The following ZNF185 variants were observed in gnomAD, a reference collection of about 807,000 sequenced individuals.
The protein encoded by ZNF185 is zinc finger protein 185.
ZNF185 carries 56 observed loss-of-function variants against 58.6 expected under a neutral mutation model. The observed-to-expected ratio is 0.95, with a 90% confidence interval of 0.77 to 1.19. ZNF185 has a LOEUF of 1.19. Ranked by LOEUF, ZNF185 falls within the 50% of genes most tolerant of loss-of-function variation. The pLI is 0.00. For missense variants in ZNF185, 627 were observed against 573.5 expected (o/e 1.09, Z -0.95); for synonymous variants, 230 against 215.9 (o/e 1.07, Z -0.57).
At chrX:152,954,578 C>G (rs1390683422) in intron 16 of ZNF185, among the ~76,000 whole-genome samples, 1 of 112,101 alleles carries the variant, frequency 8.9e-6, no homozygotes, top group Non-Finnish European at 1.9e-5. Flanking sequence ...CCTTCCAAAA[C>G]TCAGCATGTC....
At chrX:152,914,920 C>T (rs1938093104) in intron 2 of ZNF185, 87 bp downstream of exon 3, 1 of 1,091,475 alleles carries the variant, frequency 9.2e-7, no homozygotes, top group African/African-American at 1.8e-5. Context: ...TGCGAAGGGG[C>T]TTCCACCATT....
At chrX:152,957,598 A>G (rs1299128168) in intron 16 of ZNF185, among the ~76,000 whole-genome samples, 1 of 112,226 alleles carries the variant, frequency 8.9e-6, no homozygotes, top group Non-Finnish European at 1.9e-5. Context: ...CATGGTTACA[A>G]GGTCAAGCTC....
chrX:152,925,087 G>A (rs1017284914), intron 11 of ZNF185, among the ~76,000 whole-genome samples: 5 of 112,502 alleles, frequency 4.4e-5, no homozygotes, highest in Non-Finnish European at 7.5e-5. Flanking sequence ...GAAGCCAGGA[G>A]TTTGAGACCA....
the ZNF185 span, among the ~76,000 whole-genome samples, chrX:152,905,810 G>C: frequency 1.8e-5 from 2 of 110,262 alleles, no homozygotes; most frequent in African/African-American, 3.3e-5. Flanking sequence ...GACCAGAATG[G>C]AGGGGTGGAG....
chrX:152,901,520 T>C, the ZNF185 span, among the ~76,000 whole-genome samples: 1 of 111,279 alleles, frequency 9.0e-6, no homozygotes, highest in Non-Finnish European at 1.9e-5. Flanking sequence ...TGAAGCCTTA[T>C]CTGAATTCCC....
At chrX:152,947,549 A>C (rs1288308285) in intron 16 of ZNF185, among the ~76,000 whole-genome samples, 1 of 112,006 alleles carries the variant, frequency 8.9e-6, no homozygotes, top group Non-Finnish European at 1.9e-5. Flanking sequence ...TGAGAAGGTC[A>C]CTGGGCCATG....
chrX:152,944,276 G>A (rs1556892538), intron 15 of ZNF185, among the ~76,000 whole-genome samples: 1 of 112,469 alleles, frequency 8.9e-6, no homozygotes, highest in Non-Finnish European at 1.9e-5. Context: ...CCTAGACAAA[G>A]TTAACTCCTA....
chrX:152,916,638 G>C lies in ZNF185; in HGVS notation c.225-493G>C, dbSNP rs910326480. ...GGACAGCTGGCTTCGGCTGGCTGCTGCCTGGGCTCTCCCCTTCAAGCCCTC... is the reference window on the plus strand; with the variant it reads ...GGACAGCTGGCTTCGGCTGGCTGCTCCCTGGGCTCTCCCCTTCAAGCCCTC... On this transcript the variant is annotated intron_variant, in intron 3 of 22. Transcript: ENST00000449285. Among the ~76,000 whole-genome samples, 5 of 112,421 alleles carry C rather than the reference G, an allele frequency of 4.4e-5. No homozygotes were observed. In the South Asian group the frequency reaches 1.5e-3, roughly 34 times the overall value.
intron 14 of ZNF185, among the ~76,000 whole-genome samples, chrX:152,934,778 A>G (rs1364078058): frequency 8.9e-6 from 1 of 111,761 alleles, no homozygotes; most frequent in African/African-American, 3.3e-5. Flanking sequence ...AGATGCAGCC[A>G]TCCTATTTTA....
chrX:152,963,464 C>T lies in ZNF185; in HGVS notation c.1608-375C>T, dbSNP rs147075488. Among the ~76,000 whole-genome samples, 39 of 112,226 alleles carry T rather than the reference C, an allele frequency of 3.5e-4. No individual in the cohort carries two copies. The East Asian group carries it at 9.3e-3, about 27-fold the overall frequency. The stretch of plus-strand genomic sequence containing the variant: ...GAAGGAGCTGATCCTAGTAAGGGAC[C>T]GTCCCATCCAGTGAGGAGGTGAGCT... On this transcript the variant is annotated intron_variant, in intron 17 of 22. Coordinates refer to ENST00000449285, the Ensembl canonical transcript of ZNF185.
At chrX:152,970,914 T>C (rs1288554414) in intron 22 of ZNF185, among the ~76,000 whole-genome samples, 1 of 111,115 alleles carries the variant, frequency 9.0e-6, no homozygotes, top group Non-Finnish European at 1.9e-5. Flanking sequence ...TCACCCCAGG[T>C]CTTTGGATTC....
intron 15 of ZNF185, among the ~76,000 whole-genome samples, chrX:152,938,443 C>T (rs1320350597): frequency 8.9e-6 from 1 of 112,385 alleles, no homozygotes; most frequent in Non-Finnish European, 1.9e-5. Flanking sequence ...GAGGCTGGAG[C>T]ATGCAGACAA....
rs782223551 is a variant in ZNF185 at position 152,970,449 on chromosome X, A to T, written c.1981A>T (p.Ile661Phe). 7 of 1,208,591 alleles carry T rather than the reference A, an allele frequency of 5.8e-6. No individual in the cohort carries two copies. Among genetic ancestry groups the T allele is most frequent in the Non-Finnish European group, 7.8e-6 (7 of 894,313 alleles). ...AGCTTGCTTTTCTTTTCAGTGTGGG[A>T]TTTGCAGTAAACCGATGGGCGATCT... Residue 661 changes from isoleucine to phenylalanine, a missense_variant, in exon 22 of 23, where the codon ATT becomes TTT. Transcript: ENST00000449285.
intron 17 of ZNF185, among the ~76,000 whole-genome samples, chrX:152,963,082 G>A (rs188360063): frequency 1.5e-3 from 170 of 113,241 alleles, no homozygotes; most frequent in African/African-American, 5.1e-3. Flanking sequence ...GCAGACTTAA[G>A]TTGGAAGGTG....
intron 11 of ZNF185, among the ~76,000 whole-genome samples, chrX:152,923,767 G>T (rs1217972299): frequency 2.7e-5 from 3 of 111,819 alleles, no homozygotes; most frequent in African/African-American, 9.8e-5. Flanking sequence ...TCTGACAGGA[G>T]GCGGAGCTAA....
intron 13 of ZNF185, among the ~76,000 whole-genome samples, chrX:152,932,116 C>T (rs1421582229): frequency 8.9e-6 from 1 of 112,479 alleles, no homozygotes; most frequent in East Asian, 2.8e-4. Flanking sequence ...CTTCCACACT[C>T]ACTGTGCTTT....
chrX:152,928,710 A>G (rs1201393752), intron 12 of ZNF185, 49 bp downstream of exon 13: 1 of 1,155,768 alleles, frequency 8.7e-7, no homozygotes, highest in Admixed American at 2.2e-5. Flanking sequence ...CATTCTAGAG[A>G]TGGAAGCAGC....
At chrX:152,909,380 C>T in the ZNF185 span, among the ~76,000 whole-genome samples, 1 of 112,474 alleles carries the variant, frequency 8.9e-6, no homozygotes, top group African/African-American at 3.2e-5. Context: ...ACGTGAGCCT[C>T]GTGAGCAGGG....
intron 14 of ZNF185, among the ~76,000 whole-genome samples, chrX:152,935,580 C>G (rs1407176887): frequency 8.9e-6 from 1 of 112,412 alleles, no homozygotes; most frequent in Non-Finnish European, 1.9e-5. Flanking sequence ...AACAACCACT[C>G]TCCTTTTCCA....
Sources: allele counts gnomAD v4.1 joint callset (sites outside exome capture counted in the v4.1 genomes callset), GRCh38; gene constraint gnomAD v4.1.1; transcripts MANE v1.5; gene names NCBI Gene and HGNC (gene_info 2026-07-23, HGNC 2026-07-21).